The following ITSN1 variants were observed in gnomAD, a reference collection of about 807,000 sequenced individuals.
The protein encoded by ITSN1 is intersectin-1.
ITSN1 carries 58 observed loss-of-function variants against 239.8 expected under a neutral mutation model. The observed-to-expected ratio is 0.24, with a 90% CI of 0.20 to 0.30. ITSN1 has a LOEUF of 0.30. ITSN1 is among the 10% of genes least tolerant of loss of function. The probability of loss-of-function intolerance (pLI) is 1.00; values close to 1 mark genes in which losing one functional copy is unlikely to be tolerated. For synonymous variants in ITSN1, 780 were observed against 770.8 expected (o/e 1.01, Z -0.20); for missense variants, 1,558 against 2,103.3 (o/e 0.74, Z 5.07).
At chr21:33,742,305 T>G (rs1027685297) in intron 5 of ITSN1, among the ~76,000 whole-genome samples, 7 of 152,330 alleles carry the variant, frequency 4.6e-5, no homozygotes, top group Middle Eastern at 3.4e-3. Context: ...TCCACCCACC[T>G]TGGCCTCCCA....
At chr21:33,675,348 G>A (rs923583262) in intron 1 of ITSN1, among the ~76,000 whole-genome samples, 4 of 152,050 alleles carry the variant, frequency 2.6e-5, no homozygotes, top group African/African-American at 9.7e-5. Context: ...GGGATCATGA[G>A]GTCAGGAGAC....
intron 33 of ITSN1, among the ~76,000 whole-genome samples, chr21:33,869,621 C>T (rs1191543516): frequency 6.6e-6 from 1 of 152,196 alleles, no homozygotes; most frequent in African/African-American, 2.4e-5. Flanking sequence ...TTTCAGTGTC[C>T]CCACCTGTAA....
chr21:33,810,023 C>A (rs2072785917), intron 20 of ITSN1, among the ~76,000 whole-genome samples: 4 of 152,060 alleles, frequency 2.6e-5, no homozygotes, highest in Admixed American at 2.6e-4. Context: ...AAACTTCCGA[C>A]CTCTGGTAAT....
Position 33,885,131 on chromosome 21 carries a change from A to G in ITSN1, c.4759+8A>G, listed in dbSNP as rs1386609777. The stretch of plus-strand genomic sequence containing the variant: ...GCGAGAAAGCGTACCTGGGTAATGC[A>G]TGGCCCCGCGGGGTGTCCTGCACAG... On this transcript the variant is annotated splice_region_variant and intron_variant, in intron 37 of 39. Transcript: ENST00000381318. 7 of 1,611,792 alleles carry G rather than the reference A, an allele frequency of 4.3e-6. No homozygotes were observed. The highest frequency in any genetic ancestry group is 4.5e-5 in the East Asian group (2 of 44,882).
At chr21:33,732,898 G>A (rs920699301) in intron 4 of ITSN1, among the ~76,000 whole-genome samples, 5 of 152,140 alleles carry the variant, frequency 3.3e-5, no homozygotes, top group African/African-American at 1.2e-4. Flanking sequence ...TATGAAAAAA[G>A]TGATACAATT....
intron 4 of ITSN1, among the ~76,000 whole-genome samples, chr21:33,727,970 T>TC (rs2065931416): frequency 6.6e-6 from 1 of 150,714 alleles, no homozygotes; most frequent in Admixed American, 6.6e-5. Flanking sequence ...AGCTGGAATT[T>TC]TTTTTTTTTT....
intron 1 of ITSN1, among the ~76,000 whole-genome samples, chr21:33,688,479 T>C (rs1000801391): frequency 2.0e-5 from 3 of 152,234 alleles, no homozygotes; most frequent in African/African-American, 4.8e-5. Flanking sequence ...TTATTAATTC[T>C]AAAATGCGTT....
intron 18 of ITSN1, among the ~76,000 whole-genome samples, chr21:33,799,576 C>T (rs1416782113): frequency 6.6e-6 from 1 of 152,030 alleles, no homozygotes; most frequent in Non-Finnish European, 1.5e-5. Context: ...TTGGAGTGAC[C>T]TTTGTTTAGA....
Position 33,799,914 on chromosome 21 carries a change from A to G in ITSN1, c.2289A>G (p.Pro763=). The change falls in exon 19 of 40, where the codon CCA becomes CCG. Residue 763 remains proline (P), a synonymous_variant. Coordinates refer to ENST00000381318, the MANE Select transcript of ITSN1 (RefSeq NM_003024.3). The part of the protein sequence containing the change: ...SRSHDEITIQ[P]GDIVMVKGEW... ...GCCATGATGAAATCACTATCCAGCC[A>G]GGAGACATAGTCATGGTAAGAAAGA... 1 of 1,613,918 alleles carries G rather than the reference A, an allele frequency of 6.2e-7. No individual in the cohort carries two copies. The highest frequency in any genetic ancestry group is 8.5e-7 in the Non-Finnish European group (1 of 1,179,904).
At chr21:33,820,661 A>G (rs1440652371) in intron 24 of ITSN1, among the ~76,000 whole-genome samples, 2 of 152,232 alleles carry the variant, frequency 1.3e-5, no homozygotes, top group East Asian at 1.9e-4. Flanking sequence ...TAGTATAGCT[A>G]TAAAACCTTA....
In ITSN1 at chr21:33,772,104, C is replaced by T. The variant is rs774650190; in HGVS notation, c.1086C>T (p.Asn362=). 2 of 1,614,166 alleles carry T rather than the reference C, an allele frequency of 1.2e-6. No individual in the cohort carries two copies. The highest frequency in any genetic ancestry group is 1.7e-6 in the Non-Finnish European group (2 of 1,180,026). ...AGCGGGAGAACTTTGAACGTGGCAA[C>T]CTGGAACTGGAGAAACGAAGGCAAG... is the stretch of plus-strand genomic sequence containing the variant. The part of the protein sequence containing the change: ...DKKRENFERG[N]LELEKRRQAL... Residue 362 remains asparagine (N), a synonymous_variant, in exon 12 of 40, where the codon AAC becomes AAT. Transcript: ENST00000381318.
At chr21:33,755,849 A>T (rs2067868612) in intron 8 of ITSN1, among the ~76,000 whole-genome samples, 1 of 152,186 alleles carries the variant, frequency 6.6e-6, no homozygotes, top group African/African-American at 2.4e-5. Context: ...CACTTTGGAT[A>T]TTTCTTTATC....
chr21:33,680,335 CTTTTTTT>C (rs766411012), intron 1 of ITSN1, among the ~76,000 whole-genome samples: 3 of 138,584 alleles, frequency 2.2e-5, no homozygotes, highest in Non-Finnish European at 4.7e-5. Flanking sequence ...TTTCTTTTTT[CTTTTTTT>C]TTTTTTTGAG....
At chr21:33,832,248 A>T (rs1176685091) in intron 27 of ITSN1, among the ~76,000 whole-genome samples, 1 of 152,080 alleles carries the variant, frequency 6.6e-6, no homozygotes, top group Non-Finnish European at 1.5e-5. Flanking sequence ...GGGAGATCCC[A>T]CTTCTGGAAG....
rs1483844345 is a variant in ITSN1, at chr21:33,889,649, G to A, written c.*1349G>A. ...ATTCTCATAATCCTAGTTTGTTGTG[G>A]TCATGAAATGTCCTTTGCATGTTCT... On this transcript the variant is annotated 3_prime_UTR_variant, in exon 40 of 40. Coordinates refer to ENST00000381318, the MANE Select transcript of ITSN1 (RefSeq NM_003024.3). 6.6e-6 allele frequency: 1 copy of A among 152,168 alleles called. No homozygotes were observed. Among genetic ancestry groups the A allele is most frequent in the Non-Finnish European group, 1.5e-5 (1 of 68,034 alleles). 9.4% of individuals were successfully genotyped at this position (152,168 alleles called of 1,614,324 possible). A position where few individuals can be genotyped will look rare whatever the true frequency, so the allele number is the denominator to read the frequency against.
intron 29 of ITSN1, among the ~76,000 whole-genome samples, chr21:33,843,378 C>A (rs1457430813): frequency 2.0e-5 from 3 of 152,170 alleles, no homozygotes; most frequent in African/African-American, 4.8e-5. Context: ...GATTCCAACA[C>A]ATTTTCAACG....
At chr21:33,795,286 A>T (rs1163291294) in intron 17 of ITSN1, among the ~76,000 whole-genome samples, 1 of 152,122 alleles carries the variant, frequency 6.6e-6, no homozygotes, top group Non-Finnish European at 1.5e-5. Context: ...CTGTTCTATT[A>T]AAAATGCAAA....
At chr21:33,815,362 A>C (rs181776297) in intron 22 of ITSN1, among the ~76,000 whole-genome samples, 47 of 151,982 alleles carry the variant, frequency 3.1e-4, no homozygotes, top group African/African-American at 1.0e-3. Context: ...CACGTGTCAC[A>C]TGCTCAGTTA....
At chr21:33,746,700 GAC>G (rs2067204217) in intron 5 of ITSN1, among the ~76,000 whole-genome samples, 1 of 152,052 alleles carries the variant, frequency 6.6e-6, no homozygotes, top group African/African-American at 2.4e-5. Flanking sequence ...AAATTAGCTG[GAC>G]ATGATGGCAG....
Sources: allele counts gnomAD v4.1 joint callset (sites outside exome capture counted in the v4.1 genomes callset), GRCh38; gene constraint gnomAD v4.1.1; transcripts MANE v1.5; gene names NCBI Gene and HGNC (gene_info 2026-07-23, HGNC 2026-07-21).